EPS8L2: variants seen among roughly 807,000 people sequenced by gnomAD.
The protein encoded by EPS8L2 is epidermal growth factor receptor kinase substrate 8-like protein 2.
A neutral mutation model predicts 99.4 loss-of-function variants in EPS8L2; 81 were observed. The observed-to-expected ratio is 0.82, with a 90% confidence interval of 0.68 to 0.98. The LOEUF is 0.98. Ranked by LOEUF, EPS8L2 falls within the 50% of genes least tolerant of loss-of-function variation. EPS8L2 has a pLI of 0.00. For missense variants in EPS8L2, 1,155 were observed against 968.8 expected, an observed-to-expected ratio of 1.19 and a Z score of -2.55; for synonymous variants, 509 against 407.3, an observed-to-expected ratio of 1.25 and a Z score of -3.01.
chr11:713,201 G>C (rs1044168314), intron 4 of EPS8L2, among the ~76,000 whole-genome samples: 5 of 152,228 alleles, frequency 3.3e-5, no homozygotes, highest in African/African-American at 9.6e-5. Context: ...ACCTGAGCCC[G>C]GGTCCATGGT....
At chr11:719,027 G>A (rs1393253265) in intron 4 of EPS8L2, among the ~76,000 whole-genome samples, 5 of 140,576 alleles carry the variant, frequency 3.6e-5, no homozygotes, top group African/African-American at 1.1e-4. Context: ...GTGTAGTGGT[G>A]CAATCTTGGC....
intron 16 of EPS8L2, 131 bp from the exon 17 acceptor site, chr11:725,597 C>A: frequency 1.2e-6 from 1 of 854,240 alleles, no homozygotes; most frequent in African/African-American, 1.8e-5. Flanking sequence ...AACAGGGGTG[C>A]GGAGAGAATG....
Position 721,703 on chromosome 11 carries a change from AGGGACGGGGCCGGCAGGTGCAG to A in EPS8L2, c.895+24_895+45del, listed in dbSNP as rs752501897. 24 of 1,599,246 alleles carry A rather than the reference AGGGACGGGGCCGGCAGGTGCAG, an allele frequency of 1.5e-5. No homozygotes were observed. The highest frequency in any genetic ancestry group is 2.2e-5 in the South Asian group (2 of 90,226). On this transcript the variant is annotated intron_variant, in intron 10 of 20. Coordinates refer to ENST00000318562, the MANE Select transcript of EPS8L2 (RefSeq NM_022772.4). ...GAAGGCGCCAGCAGGTGCAGGGGAC[AGGGACGGGGCCGGCAGGTGCAG>A]GGGACGGGGCCAGCAGGTGCAGGGG...
At chr11:714,203 A>G (rs891541606) in intron 4 of EPS8L2, among the ~76,000 whole-genome samples, 5 of 150,998 alleles carry the variant, frequency 3.3e-5, no homozygotes, top group African/African-American at 1.2e-4. Context: ...TTCACTGTGG[A>G]AGTTCCTGTG....
Position 722,808 on chromosome 11 carries a change from G to A in EPS8L2, c.1341+3G>A, listed in dbSNP as rs1244422530. ...TGGCGTCTGCCCCCATCGAGGAGGT[G>A]AGAGCACCAGCAGCCCCCATCCCTA... On this transcript the variant is annotated splice_donor_region_variant and intron_variant, in intron 14 of 20. Coordinates refer to ENST00000318562, the MANE Select transcript of EPS8L2 (RefSeq NM_022772.4). The A allele has an allele frequency of 9.6e-6, 15 of 1,555,642 alleles. No individual in the cohort carries two copies. Among genetic ancestry groups the A allele is most frequent in the Non-Finnish European group, 1.3e-5 (15 of 1,155,482 alleles).
chr11:711,120 G>C (rs1207338412), intron 4 of EPS8L2, among the ~76,000 whole-genome samples: 2 of 152,164 alleles, frequency 1.3e-5, no homozygotes, highest in South Asian at 4.1e-4. Context: ...CTGCTTCTCA[G>C]GGCTCAGACG....
rs764127141 is a variant in EPS8L2 at position 722,074 on chromosome 11, C to G, written c.985-17C>G. On this transcript the variant is annotated splice_polypyrimidine_tract_variant and intron_variant, in intron 11 of 20. Coordinates refer to ENST00000318562, the MANE Select transcript of EPS8L2 (RefSeq NM_022772.4). ...CCCGCCCCGCCCCGGCACCTGCTCA[C>G]TTGTTCCCACCCCCAGGCAAAGCTG... 2 of 1,612,860 alleles carry G rather than the reference C, an allele frequency of 1.2e-6. No individual in the cohort carries two copies. Among genetic ancestry groups the G allele is most frequent in the African/African-American group, 1.3e-5 (1 of 75,044 alleles).
chr11:715,134 C>T (rs555974329), intron 4 of EPS8L2, among the ~76,000 whole-genome samples: 9 of 151,780 alleles, frequency 5.9e-5, no homozygotes, highest in African/African-American at 1.9e-4. Context: ...CCCAGCTACT[C>T]GGGAGGCTGA....
chr11:722,004 G>T lies in EPS8L2; in HGVS notation c.984+13G>T. The T allele has an allele frequency of 6.2e-7, 1 of 1,605,734 alleles. No homozygotes were observed. On this transcript the variant is annotated intron_variant, in intron 11 of 20. Transcript: ENST00000318562. ...GATTAACTTGCTGGTGGGTCCGGTGGCCCCAGCCCTGCCCCACTGTCTGTG... is the reference window on the plus strand; with the variant it reads ...GATTAACTTGCTGGTGGGTCCGGTGTCCCCAGCCCTGCCCCACTGTCTGTG...
intron 17 of EPS8L2, 107 bp downstream of exon 17, chr11:725,954 C>T (rs1258979288): frequency 2.3e-5 from 32 of 1,361,756 alleles, no homozygotes; most frequent in Non-Finnish European, 3.1e-5. Context: ...GAGACTGGGG[C>T]AGGTGCAGGG....
Position 722,693 on chromosome 11 carries a change from C to A in EPS8L2, c.1229C>A (p.Pro410Gln). 1 of 1,608,622 alleles carries A rather than the reference C, an allele frequency of 6.2e-7. No individual in the cohort carries two copies. Among genetic ancestry groups the A allele is most frequent in the Non-Finnish European group, 8.5e-7 (1 of 1,178,156 alleles). ...CCCAGTTCCGAGTGGCCGCGGGAGC[C>A]ACAGGTGCCCCTCTACGTGCCCAAG... ...MRPRSEWPRE[P>Q]QVPLYVPKFH... Residue 410 changes from proline (P) to glutamine (Q), a missense_variant, in exon 14 of 21, where the codon CCA (proline) becomes CAA (glutamine). By Grantham distance (76) the Pro-to-Gln change is moderately conservative (BLOSUM62 -1). Transcript: ENST00000318562.
chr11:726,670 CAAG>C lies in EPS8L2; in HGVS notation c.1987_1989del (p.Lys663del), dbSNP rs767333443. On this transcript the variant is annotated inframe_deletion, in exon 20 of 21. Transcript: ENST00000318562. ...CCGGGCCGCAGCTCTTCTCCCTCAA[CAAG>C]GAGGAGCTGAAGAAAGTGTGCGGCG... 2 of 1,573,284 alleles carry C rather than the reference CAAG, an allele frequency of 1.3e-6. No individual in the cohort carries two copies. The highest frequency in any genetic ancestry group is 1.2e-5 in the South Asian group (1 of 85,676).
In EPS8L2 at chr11:727,553, C is replaced by G. The variant is rs1862365029; in HGVS notation, c.*572C>G. 6.5e-6 allele frequency: 1 copy of G among 153,298 alleles called. No individual in the cohort carries two copies. Among genetic ancestry groups the G allele is most frequent in the African/African-American group, 2.4e-5 (1 of 41,438 alleles). The allele number at this position is 153,298 out of a possible 1,614,324, so 9.5% of individuals were successfully genotyped here. ...TGCCGGCTTCAGACACTCCCAGCGC[C>G]CACTCTTACAGGCCCAGGACTGGAG... is the stretch of plus-strand genomic sequence containing the variant. On this transcript the variant is annotated 3_prime_UTR_variant, in exon 21 of 21. Transcript: ENST00000318562.
Position 725,763 on chromosome 11 carries a change from C to A in EPS8L2, c.1596C>A (p.Arg532=), listed in dbSNP as rs1364292080. The A allele has an allele frequency of 3.0e-6, 4 of 1,350,276 alleles. No homozygotes were observed. The highest frequency in any genetic ancestry group is 2.8e-6 in the Non-Finnish European group (3 of 1,054,146). 83.6% of individuals were successfully genotyped at this position (1,350,276 alleles called of 1,614,324 possible). A position where few individuals can be genotyped will look rare whatever the true frequency, so the allele number is the denominator to read the frequency against. Reference sequence around the variant, plus strand: ...ACGGCCGGCAGTGGTGGAAGCTGCGCAGCCGCAGCGGCCAGGCGGGGTACG... The same window carrying A: ...ACGGCCGGCAGTGGTGGAAGCTGCGAAGCCGCAGCGGCCAGGCGGGGTACG... The part of the protein sequence containing the change: ...LEDGRQWWKL[R]SRSGQAGYVP... The change falls in exon 17 of 21, where the codon CGC becomes CGA. Residue 532 remains arginine (R), a synonymous_variant. Transcript: ENST00000318562.
intron 4 of EPS8L2, among the ~76,000 whole-genome samples, chr11:711,393 T>C (rs957744494): frequency 6.6e-6 from 1 of 152,054 alleles, no homozygotes; most frequent in African/African-American, 2.4e-5. Context: ...GTGCCCAGGC[T>C]GGAGTGCAGT....
chr11:725,724 G>A lies in EPS8L2; in HGVS notation c.1561-4G>A, dbSNP rs922595710. ...TGGGGAGGGGCTGACGGCGCGCCCC[G>A]CAGGTGCTGGAGGACGGCCGGCAGT... On this transcript the variant is annotated splice_region_variant and splice_polypyrimidine_tract_variant and intron_variant, in intron 16 of 20. Coordinates refer to ENST00000318562, the MANE Select transcript of EPS8L2 (RefSeq NM_022772.4). The A allele has an allele frequency of 7.6e-7, 1 of 1,314,386 alleles. No individual in the cohort carries two copies. 81.4% of individuals were successfully genotyped at this position (1,314,386 alleles called of 1,614,324 possible).
At position 721,638 on chromosome 11, in the gene EPS8L2, A is replaced by G. The variant is rs898321793; in HGVS notation, c.842A>G (p.Lys281Arg). ...CTGCAGAAGGCAGCCGAGGCTTTCA[A>G]GCAGCTGAACCAGCGGAAAAAGGGG... Reference protein sequence around the residue: ...ARLQKAAEAFKQLNQRKKGKK... With the variant: ...ARLQKAAEAFRQLNQRKKGKK... The change falls in exon 10 of 21, where the codon AAG becomes AGG. Residue 281 changes from lysine to arginine, a missense_variant. Transcript: ENST00000318562. The G allele has an allele frequency of 1.8e-5, 29 of 1,578,760 alleles. No individual in the cohort carries two copies. The highest frequency in any genetic ancestry group is 2.5e-5 in the Non-Finnish European group (29 of 1,167,234).
At chr11:715,530 A>G (rs990215899) in intron 4 of EPS8L2, among the ~76,000 whole-genome samples, 3 of 151,044 alleles carry the variant, frequency 2.0e-5, no homozygotes, top group Non-Finnish European at 4.4e-5. Flanking sequence ...GTCTGTCAGT[A>G]GTCTGTGTAA....
chr11:720,516 G>T, intron 5 of EPS8L2, 81 bp from the exon 6 acceptor site: 4 of 1,546,780 alleles, frequency 2.6e-6, no homozygotes, highest in Non-Finnish European at 3.5e-6. Context: ...CTGTGCTCCA[G>T]GCTTGTCCAC....
Sources: allele counts gnomAD v4.1 joint callset (sites outside exome capture counted in the v4.1 genomes callset), GRCh38; gene constraint gnomAD v4.1.1; transcripts MANE v1.5; gene names NCBI Gene and HGNC (gene_info 2026-07-23, HGNC 2026-07-21).